The following ABCB5 variants were observed in gnomAD, a reference collection of about 807,000 sequenced individuals.
ABCB5 encodes the protein ATP-binding cassette sub-family B member 5.
ABCB5 carries 155 observed loss-of-function variants against 144.2 expected under a neutral mutation model. The ratio of observed to expected loss-of-function variants is 1.08; its 90% CI spans 0.94 to 1.23. The LOEUF is 1.23. Ranked by LOEUF, ABCB5 falls within the 50% of genes most tolerant of loss-of-function variation. The probability of loss-of-function intolerance (pLI) is 0.00; values close to 1 mark genes in which losing one functional copy is unlikely to be tolerated. For synonymous variants in ABCB5, 610 were observed against 528.6 expected (o/e 1.15, Z -2.11); for missense variants, 1,830 against 1,520.8 (o/e 1.20, Z -3.38).
At chr7:20,684,211 T>C (rs986203282) in intron 15 of ABCB5, among the ~76,000 whole-genome samples, 17 of 152,212 alleles carry the variant, frequency 1.1e-4, no homozygotes, top group African/African-American at 4.1e-4. Context: ...AATTATTTAT[T>C]TAGACTGTCC....
At chr7:20,623,432 C>A in intron 2 of ABCB5, 94 bp downstream of exon 2, 1 of 1,059,598 alleles carries the variant, frequency 9.4e-7, no homozygotes, top group Non-Finnish European at 1.4e-6. Flanking sequence ...ATAATTTTTT[C>A]CCAAAAATAG....
chr7:20,713,026 T>C (rs1363708018), intron 20 of ABCB5, among the ~76,000 whole-genome samples: 1 of 149,570 alleles, frequency 6.7e-6, no homozygotes, highest in African/African-American at 2.5e-5. Flanking sequence ...AAATTGTGTG[T>C]CCTTTTACCA....
chr7:20,726,506 A>G (rs1169763974), intron 21 of ABCB5, among the ~76,000 whole-genome samples: 5 of 151,778 alleles, frequency 3.3e-5, no homozygotes, highest in Non-Finnish European at 7.4e-5. Context: ...AGCTGGGATT[A>G]CAGACATGTG....
At chr7:20,745,466 A>T in intron 26 of ABCB5, 28 bp downstream of exon 26, 1 of 1,610,764 alleles carries the variant, frequency 6.2e-7, no homozygotes, top group East Asian at 2.2e-5. Flanking sequence ...ATCTTGAATT[A>T]TAAAGCTGCC....
intron 16 of ABCB5, among the ~76,000 whole-genome samples, chr7:20,692,727 A>G: frequency 6.6e-6 from 1 of 152,116 alleles, no homozygotes; most frequent in Admixed American, 6.5e-5. Flanking sequence ...AAACACTGGG[A>G]AAAAGAAACT....
At chr7:20,620,339 TG>T (rs1463777436) in intron 1 of ABCB5, among the ~76,000 whole-genome samples, 1 of 152,116 alleles carries the variant, frequency 6.6e-6, no homozygotes, top group East Asian at 1.9e-4. Flanking sequence ...ACACTGGATT[TG>T]GCAAAGATTT....
chr7:20,626,391 G>T (rs888783974), intron 2 of ABCB5, among the ~76,000 whole-genome samples, 166 bp from the exon 3 acceptor site: 1 of 152,164 alleles, frequency 6.6e-6, no homozygotes, highest in African/African-American at 2.4e-5. Flanking sequence ...CAAGTTTACA[G>T]ACAACCAGTG....
intron 20 of ABCB5, among the ~76,000 whole-genome samples, chr7:20,715,216 T>C (rs971397276): frequency 4.6e-5 from 7 of 152,020 alleles, no homozygotes; most frequent in Admixed American, 6.6e-5. Flanking sequence ...GTTAATTTTT[T>C]TGTATTTTTA....
At chr7:20,672,767 C>A (rs1383540564) in intron 14 of ABCB5, among the ~76,000 whole-genome samples, 1 of 152,036 alleles carries the variant, frequency 6.6e-6, no homozygotes, top group Non-Finnish European at 1.5e-5. Flanking sequence ...TGGTCCTGTA[C>A]AATTTGTTGA....
chr7:20,622,123 C>T (rs895118081), intron 1 of ABCB5, among the ~76,000 whole-genome samples: 5 of 152,052 alleles, frequency 3.3e-5, no homozygotes, highest in East Asian at 1.9e-4. Context: ...GAGAATAGAA[C>T]GCATACATGA....
chr7:20,681,411 G>A, intron 14 of ABCB5, 94 bp from the exon 15 acceptor site: 1 of 1,377,678 alleles, frequency 7.3e-7, no homozygotes, highest in Non-Finnish European at 9.9e-7. Context: ...ACAGGCATGA[G>A]CCACCATGCC....
In ABCB5 at chr7:20,753,475, C is replaced by G. The variant is rs752221771; in HGVS notation, c.3545C>G (p.Ala1182Gly). The G allele has an allele frequency of 6.8e-6, 11 of 1,613,644 alleles. No individual in the cohort carries two copies. The highest frequency in any genetic ancestry group is 9.3e-6 in the Non-Finnish European group (11 of 1,179,868). ...CCCAAAATTTTATTGTTGGATGAGG[C>G]CACTTCAGCCCTCGATAATGACAGT... ...QKPKILLLDE[A>G]TSALDNDSEK... The change falls in exon 27 of 28, where the codon GCC becomes GGC. Residue 1182 changes from alanine to glycine, a missense_variant. Coordinates refer to ENST00000404938, the MANE Select transcript of ABCB5 (RefSeq NM_001163941.2).
At chr7:20,736,209 T>C (rs1413092010) in intron 23 of ABCB5, among the ~76,000 whole-genome samples, 1 of 152,054 alleles carries the variant, frequency 6.6e-6, no homozygotes, top group East Asian at 1.9e-4. Context: ...TTTTTTTCTT[T>C]TTTGTTGTTG....
intron 20 of ABCB5, among the ~76,000 whole-genome samples, chr7:20,720,837 G>A (rs1048329261): frequency 6.6e-6 from 1 of 151,060 alleles, no homozygotes; most frequent in Non-Finnish European, 1.5e-5. Context: ...CCAGCTACAC[G>A]GGAGGCTGAG....
intron 20 of ABCB5, among the ~76,000 whole-genome samples, chr7:20,713,134 G>A (rs1781549972): frequency 6.7e-6 from 1 of 149,602 alleles, no homozygotes; most frequent in Non-Finnish European, 1.5e-5. Flanking sequence ...ATATAAGTGA[G>A]ATCATGTGGC....
chr7:20,624,648 A>G (rs1236372664), intron 2 of ABCB5, among the ~76,000 whole-genome samples: 1 of 152,196 alleles, frequency 6.6e-6, no homozygotes, highest in African/African-American at 2.4e-5. Context: ...AAATACAGGA[A>G]GGATTCCTAT....
chr7:20,744,784 T>C (rs1412438256), intron 25 of ABCB5, among the ~76,000 whole-genome samples: 1 of 151,674 alleles, frequency 6.6e-6, no homozygotes, highest in East Asian at 1.9e-4. Flanking sequence ...TAAAAAAATA[T>C]ATATATATAA....
chr7:20,616,283 G>A (rs1562522961), intron 1 of ABCB5, among the ~76,000 whole-genome samples: 1 of 152,098 alleles, frequency 6.6e-6, no homozygotes, highest in Non-Finnish European at 1.5e-5. Context: ...TGATCCAGCC[G>A]CCTTGGCCTC....
chr7:20,648,543 T>C (rs938449948), intron 11 of ABCB5, among the ~76,000 whole-genome samples: 2 of 152,096 alleles, frequency 1.3e-5, no homozygotes, highest in African/African-American at 4.8e-5. Flanking sequence ...CACACGCAGT[T>C]TATCGTACTC....
Sources: gnomAD v4.1 joint callset for allele counts (sites outside exome capture counted in the v4.1 genomes callset) on GRCh38, gnomAD v4.1.1 for gene constraint, MANE v1.5 for transcripts, NCBI Gene and HGNC (gene_info 2026-07-23, HGNC 2026-07-21) for gene names.